Variants in HPCAL1 observed in about 807,000 individuals in gnomAD.
The protein encoded by HPCAL1 is hippocalcin-like protein 1.
HPCAL1 carries 8 observed loss-of-function variants against 17.1 expected under a neutral mutation model. The ratio of observed to expected loss-of-function variants is 0.47; its 90% confidence interval spans 0.27 to 0.84. HPCAL1 has a LOEUF of 0.84. Ranked by LOEUF, HPCAL1 falls within the 40% of genes least tolerant of loss-of-function variation. HPCAL1 has a pLI of 0.13. For synonymous variants in HPCAL1, 112 were observed against 111.4 expected (o/e 1.01, Z -0.03); for missense variants, 165 against 271.1 (o/e 0.61, Z 2.75).
At chr2:10,398,335 G>A (rs1669194393) in intron 2 of HPCAL1, among the ~76,000 whole-genome samples, 1 of 152,198 alleles carries the variant, frequency 6.6e-6, no homozygotes. Flanking sequence ...CCAAAAGTCT[G>A]GAATTTTCTT....
chr2:10,364,377 G>A (rs1666715010), intron 1 of HPCAL1, among the ~76,000 whole-genome samples: 1 of 152,138 alleles, frequency 6.6e-6, no homozygotes, highest in Non-Finnish European at 1.5e-5. Context: ...CCACCCTCCT[G>A]GGAATGACTG....
chr2:10,420,208 G>GGTTTT, intron 3 of HPCAL1, 73 bp downstream of exon 3: 11 of 734,106 alleles, frequency 1.5e-5, no homozygotes, highest in African/African-American at 4.7e-5. Flanking sequence ...CCAGCCCAGG[G>GGTTTT]CTTTTTTTTT....
intron 1 of HPCAL1, among the ~76,000 whole-genome samples, chr2:10,303,543 G>A (rs1053817191): frequency 2.0e-5 from 3 of 152,176 alleles, no homozygotes; most frequent in Non-Finnish European, 4.4e-5. Flanking sequence ...GGGTGGTCCA[G>A]CCCCACGCCC....
chr2:10,399,663 C>T (rs555600616), intron 2 of HPCAL1, among the ~76,000 whole-genome samples: 17 of 151,464 alleles, frequency 1.1e-4, no homozygotes, highest in South Asian at 4.2e-4. Context: ...CACCATTGGC[C>T]GTGGATGTTG....
rs144807478 is a variant in HPCAL1 at position 10,396,908 on chromosome 2, C to T, written c.-37C>T. 5.6e-3 allele frequency: 847 copies of T among 152,396 alleles called. 7 individuals are homozygous for T. Among genetic ancestry groups the T allele is most frequent in the Admixed American group, 0.011 (173 of 15,306 alleles). 9.4% of individuals were successfully genotyped at this position (152,396 alleles called of 1,614,324 possible). A position where few individuals can be genotyped will look rare whatever the true frequency, so the allele number is the denominator to read the frequency against. On this transcript the variant is annotated 5_prime_UTR_variant, in exon 2 of 5. Coordinates refer to ENST00000307845, the MANE Select transcript of HPCAL1 (RefSeq NM_002149.4). The stretch of plus-strand genomic sequence containing the variant: ...TTCTGACCCACTCCCTCTCAGCCTC[C>T]GCCTGGTCTCTGGTAAGTCACTCCC...
At chr2:10,326,320 C>T (rs1484768504) in intron 1 of HPCAL1, among the ~76,000 whole-genome samples, 1 of 152,236 alleles carries the variant, frequency 6.6e-6, no homozygotes, top group Non-Finnish European at 1.5e-5. Flanking sequence ...CCAGTCAGCC[C>T]CAGTGAGGTG....
chr2:10,344,136 A>G lies in HPCAL1; in HGVS notation c.-111+40959A>G, dbSNP rs1665260506. On this transcript the variant is annotated intron_variant, in intron 1 of 4. Transcript: ENST00000307845. The surrounding 1 kb of genome is among the most constrained non-coding windows in gnomAD (Gnocchi z 4.9). The stretch of plus-strand genomic sequence containing the variant: ...CCAGAACAAAACAAGCAGACGGTTG[A>G]GGACTGCAGTGAACTCATTAACCCT... 6.6e-6 allele frequency among the ~76,000 whole-genome samples: 1 copy of G among 152,236 alleles called. No homozygotes were observed. The highest frequency in any genetic ancestry group is 6.5e-5 in the Admixed American group (1 of 15,280).
At chr2:10,397,705 C>T (rs1437317556) in intron 2 of HPCAL1, among the ~76,000 whole-genome samples, 1 of 152,214 alleles carries the variant, frequency 6.6e-6, no homozygotes, top group Non-Finnish European at 1.5e-5. Flanking sequence ...GAGGGCTCCT[C>T]ATGACCCTGG....
chr2:10,419,798 A>C lies in HPCAL1; in HGVS notation c.41A>C (p.Gln14Pro). ...AGCAAGCTGCGGCCCGAGGTGCTGC[A>C]GGACCTGCGGGAGAACACGGAGTTC... ...QNSKLRPEVL[Q>P]DLRENTEFTD... The change falls in exon 3 of 5, where the codon CAG becomes CCG. Residue 14 changes from glutamine to proline, a missense_variant. Gln to Pro is a moderately conservative substitution (Grantham distance 76). Transcript: ENST00000307845. The surrounding 1 kb of genome is among the most constrained non-coding windows in gnomAD (Gnocchi z 5.0). The C allele has an allele frequency of 6.2e-7, 1 of 1,613,414 alleles. No homozygotes were observed. The highest frequency in any genetic ancestry group is 8.5e-7 in the Non-Finnish European group (1 of 1,179,828).
rs1294847384 is a variant in HPCAL1, at chr2:10,419,616, G to A, written c.-24-118G>A. The A allele has an allele frequency of 1.1e-5, 10 of 928,880 alleles. No individual in the cohort carries two copies. Among genetic ancestry groups the A allele is most frequent in the Middle Eastern group, 3.4e-4 (1 of 2,932 alleles). The allele number at this position is 928,880 out of a possible 1,614,324, so 57.5% of individuals were successfully genotyped here. A position where few individuals can be genotyped will look rare whatever the true frequency, so the allele number is the denominator to read the frequency against. On this transcript the variant is annotated intron_variant, in intron 2 of 4. Transcript: ENST00000307845. The surrounding 1 kb of genome is among the most constrained non-coding windows in gnomAD (Gnocchi z 5.0). ...CGGCATGCCTTCCGATGGGGGACCC[G>A]GGAGTTGCTGAGTCGCAGCGCTTGC...
chr2:10,426,786 C>T lies in HPCAL1; in HGVS notation c.547C>T (p.Leu183=), dbSNP rs1399714235. The change falls in exon 5 of 5, where the codon CTG becomes TTG. Residue 183 remains leucine, a synonymous_variant. Coordinates refer to ENST00000307845, the MANE Select transcript of HPCAL1 (RefSeq NM_002149.4). ...AKSDPSIVRL[L]QCDPSSASQF Reference sequence around the variant, plus strand: ...GAGCGACCCCTCCATCGTCCGCCTGCTGCAGTGCGACCCCAGCAGTGCCAG... The same window carrying T: ...GAGCGACCCCTCCATCGTCCGCCTGTTGCAGTGCGACCCCAGCAGTGCCAG... 2 of 1,613,324 alleles carry T rather than the reference C, an allele frequency of 1.2e-6. No individual in the cohort carries two copies. Among genetic ancestry groups the T allele is most frequent in the African/African-American group, 2.7e-5 (2 of 74,950 alleles).
chr2:10,305,467 T>TGCGGTGGGATGTGGTGCC (rs1158854490), intron 1 of HPCAL1, among the ~76,000 whole-genome samples: 15 of 152,344 alleles, frequency 9.8e-5, no homozygotes, highest in African/African-American at 3.6e-4. Context: ...GCCTCTCCCT[T>TGCGGTGGGATGTGGTGCC]GCGGTGGGAT....
chr2:10,332,259 T>C (rs540287382), intron 1 of HPCAL1, among the ~76,000 whole-genome samples: 2 of 152,210 alleles, frequency 1.3e-5, no homozygotes, highest in Non-Finnish European at 2.9e-5. Flanking sequence ...TTCTTCCCCC[T>C]CCTTCTCCAT....
In HPCAL1 at chr2:10,362,705, C is replaced by G. The variant is rs1174953726; in HGVS notation, c.-110-34130C>G. Among the ~76,000 whole-genome samples, 1 of 152,210 alleles carries G rather than the reference C, an allele frequency of 6.6e-6. No homozygotes were observed. The highest frequency in any genetic ancestry group is 1.5e-5 in the Non-Finnish European group (1 of 68,038). ...GGTAGCCCTGAGGCCATCCCAAATG[C>G]GAGTCTGTTCACAGAGGGGCTCTCC... On this transcript the variant is annotated intron_variant, in intron 1 of 4. Transcript: ENST00000307845. This position sits in a 1 kb window ranked among gnomAD's most constrained non-coding sequence, Gnocchi z 5.0.
In HPCAL1 at chr2:10,363,070, A is replaced by G. The variant is rs6748367; in HGVS notation, c.-110-33765A>G. On this transcript the variant is annotated intron_variant, in intron 1 of 4. Coordinates refer to ENST00000307845, the MANE Select transcript of HPCAL1 (RefSeq NM_002149.4). This position sits in a 1 kb window ranked among gnomAD's most constrained non-coding sequence, Gnocchi z 4.7. ...TAGGAGGTTGAGGCTGCAGTGAACC[A>G]TGATCATACCACTGCATTCCAGCCT... is the stretch of plus-strand genomic sequence containing the variant. Among the ~76,000 whole-genome samples, 24,389 of 152,190 alleles carry G rather than the reference A, an allele frequency of 0.16. 2,640 individuals are homozygous for G. The highest frequency in any genetic ancestry group is 0.54 in the East Asian group (2,770 of 5,166).
chr2:10,316,169 G>A (rs1653216537), intron 1 of HPCAL1, among the ~76,000 whole-genome samples: 1 of 152,210 alleles, frequency 6.6e-6, no homozygotes, highest in African/African-American at 2.4e-5. Flanking sequence ...GGCGCCTGCT[G>A]TTTGAACCTT....
chr2:10,398,739 C>A (rs1669227031), intron 2 of HPCAL1, among the ~76,000 whole-genome samples: 1 of 152,170 alleles, frequency 6.6e-6, no homozygotes. Context: ...CCTTCCTCTT[C>A]CTGAGGGAGG....
intron 1 of HPCAL1, among the ~76,000 whole-genome samples, chr2:10,391,774 A>G (rs1241641980): frequency 6.6e-6 from 1 of 152,192 alleles, no homozygotes. Flanking sequence ...TTTGTGACAG[A>G]GTCTCGCTCT....
intron 1 of HPCAL1, among the ~76,000 whole-genome samples, chr2:10,353,340 A>G (rs1181678171): frequency 6.6e-6 from 1 of 152,160 alleles, no homozygotes; most frequent in African/African-American, 2.4e-5. Flanking sequence ...CTCAGAAGGA[A>G]AGCCCGTCCT....
Sources: gnomAD v4.1 joint callset for allele counts (sites outside exome capture counted in the v4.1 genomes callset) on GRCh38, gnomAD v4.1.1 for gene constraint, Gnocchi (gnomAD v3.1) non-coding constraint, MANE v1.5 for transcripts, NCBI Gene and HGNC (gene_info 2026-07-23, HGNC 2026-07-21) for gene names.